The following NFATC1 variants were observed in gnomAD, a reference collection of about 807,000 sequenced individuals.
The protein encoded by NFATC1 is nuclear factor of activated T-cells, cytoplasmic 1.
Under a neutral mutation model 76.0 loss-of-function variants are expected in NFATC1, and 22 were observed. That is an observed-to-expected ratio of 0.29 (90% CI 0.21 to 0.41). The LOEUF (loss-of-function observed/expected upper bound fraction) is 0.41, where lower values mean the gene tolerates loss of function less well. NFATC1 is among the 10% of genes least tolerant of loss of function. The pLI, the probability that NFATC1 is intolerant of heterozygous loss-of-function variation, is 1.00. For synonymous variants in NFATC1, 704 were observed against 613.1 expected (o/e 1.15, Z -2.19); for missense variants, 1,357 against 1,337.7 (o/e 1.01, Z -0.23).
chr18:79,431,457 G>A (rs1284665024), intron 2 of NFATC1, among the ~76,000 whole-genome samples: 1 of 151,760 alleles, frequency 6.6e-6, no homozygotes, highest in Non-Finnish European at 1.5e-5. Context: ...TGGCTCAGGC[G>A]ATCCTCCCCG....
chr18:79,453,177 G>A (rs981429679), intron 6 of NFATC1, among the ~76,000 whole-genome samples: 2 of 152,246 alleles, frequency 1.3e-5, no homozygotes, highest in Admixed American at 6.5e-5. Context: ...CGCGTTGGCG[G>A]AGAAACACTT....
intron 9 of NFATC1, among the ~76,000 whole-genome samples, chr18:79,521,002 G>T (rs36201538): frequency 0.39 from 21,724 of 55,432 alleles, 3,241 homozygotes; most frequent in African/African-American, 0.42. Flanking sequence ...TGTGTGTGTG[G>T]GGGGGGGCAT....
chr18:79,498,140 A>G (rs2089937629), intron 9 of NFATC1: 3 of 152,090 alleles, frequency 2.0e-5, no homozygotes, highest in African/African-American at 4.8e-5. Context: ...CCAAAAAATT[A>G]TAGTACATGC....
chr18:79,432,689 T>A (rs1356691633), intron 2 of NFATC1, among the ~76,000 whole-genome samples: 1 of 152,160 alleles, frequency 6.6e-6, no homozygotes, highest in Non-Finnish European at 1.5e-5. Context: ...TGGATGGTGG[T>A]GCACCGGGGC....
intron 8 of NFATC1, chr18:79,468,587 CAG>C (rs771220389): frequency 6.6e-6 from 1 of 152,204 alleles, no homozygotes; most frequent in Non-Finnish European, 1.5e-5. Context: ...TTAGTAAAAT[CAG>C]GGTGTTTTGG....
chr18:79,449,506 GGCACGCTGGCCCTAACCTGT>G (rs1334013663), intron 4 of NFATC1, among the ~76,000 whole-genome samples: 1 of 152,248 alleles, frequency 6.6e-6, no homozygotes, highest in African/African-American at 2.4e-5. Context: ...GCTTGTGCTG[GGCACGCTGGCCCTAACCTGT>G]GAAGGCAGCC....
chr18:79,458,202 G>T (rs1600781531), intron 6 of NFATC1, among the ~76,000 whole-genome samples: 1 of 152,328 alleles, frequency 6.6e-6, no homozygotes, highest in Non-Finnish European at 1.5e-5. Flanking sequence ...TGGGAGCCAG[G>T]CTGGGACAGA....
chr18:79,471,795 C>T (rs1334079919), intron 8 of NFATC1, among the ~76,000 whole-genome samples: 1 of 152,254 alleles, frequency 6.6e-6, no homozygotes, highest in Non-Finnish European at 1.5e-5. Context: ...GGTGTCGGAA[C>T]AGATCTGCCT....
intron 9 of NFATC1, among the ~76,000 whole-genome samples, chr18:79,504,119 A>G (rs1253871068): frequency 6.6e-6 from 1 of 152,030 alleles, no homozygotes; most frequent in East Asian, 1.9e-4. Flanking sequence ...CCCTCTTATC[A>G]TCGGTGTTGT....
intron 3 of NFATC1, 198 bp from the exon 4 acceptor site, chr18:79,448,584 T>C (rs933667005): frequency 3.8e-5 from 23 of 607,566 alleles, no homozygotes; most frequent in Non-Finnish European, 6.1e-5. Context: ...TAAAACTCAG[T>C]GCCCAGGTCC....
At chr18:79,487,307 C>T (rs1478260529) in intron 9 of NFATC1, among the ~76,000 whole-genome samples, 2 of 152,206 alleles carry the variant, frequency 1.3e-5, no homozygotes, top group African/African-American at 4.8e-5. Flanking sequence ...GAGGGACCGG[C>T]CTCTGCAGTC....
intron 2 of NFATC1, among the ~76,000 whole-genome samples, chr18:79,427,094 C>T (rs1001017002): frequency 6.6e-6 from 1 of 152,190 alleles, no homozygotes; most frequent in Admixed American, 6.5e-5. Flanking sequence ...GAGCATGTCC[C>T]GGGTTCTTAG....
At chr18:79,423,529 C>T (rs79548165) in intron 2 of NFATC1, among the ~76,000 whole-genome samples, 15,615 of 152,260 alleles carry the variant, frequency 0.1, 1,072 homozygotes, top group Non-Finnish European at 0.15. Context: ...GTGGCCACAT[C>T]GGTCCTGGGA....
intron 9 of NFATC1, among the ~76,000 whole-genome samples, chr18:79,511,306 TC>T (rs2090246238): frequency 6.6e-6 from 1 of 152,026 alleles, no homozygotes. Context: ...CGACTCTGCC[TC>T]CCCCCTCCCC....
intron 5 of NFATC1, 69 bp from the exon 6 acceptor site, chr18:79,451,607 G>T: frequency 7.0e-7 from 1 of 1,419,482 alleles, no homozygotes; most frequent in African/African-American, 1.5e-5. Context: ...TGACCTGCTG[G>T]GTGCCACACG....
intron 6 of NFATC1, among the ~76,000 whole-genome samples, chr18:79,453,098 G>C (rs1047427198): frequency 6.6e-6 from 1 of 152,222 alleles, no homozygotes; most frequent in Non-Finnish European, 1.5e-5. Context: ...CATTTGCATT[G>C]CCCGTGCCTT....
rs1473132920 is a variant in NFATC1 at position 79,506,041 on chromosome 18, T to C, written c.2782+19104T>C. ...GTGCCCTTCTCAAGGGTGCATTACC[T>C]GTGTGAAACGTGCCTCCGTAGAATG... On this transcript the variant is annotated intron_variant, in intron 9 of 9. Transcript: ENST00000427363. Among the ~76,000 whole-genome samples the C allele has an allele frequency of 2.6e-5, 4 of 152,206 alleles. No homozygotes were observed. The East Asian group carries it at 7.7e-4, about 29-fold the overall frequency.
At position 79,396,267 on chromosome 18, in the gene NFATC1, G is replaced by A; in HGVS notation, c.43G>A (p.Gly15Ser). The A allele has an allele frequency of 6.7e-7, 1 of 1,482,632 alleles. No homozygotes were observed. The allele number at this position is 1,482,632 out of a possible 1,614,324, so 91.8% of individuals were successfully genotyped here. A position where few individuals can be genotyped will look rare whatever the true frequency, so the allele number is the denominator to read the frequency against. Reference sequence around the variant, plus strand: ...TCCAGTCCCTTCCAAGTTTCCACTTGGCCCTGCGGCTGCGGTCTTCGGGAG... The same window carrying A: ...TCCAGTCCCTTCCAAGTTTCCACTTAGCCCTGCGGCTGCGGTCTTCGGGAG... ...SFPVPSKFPLGPAAAVFGRGE... is the reference protein window; with the variant it reads ...SFPVPSKFPLSPAAAVFGRGE... Residue 15 changes from glycine to serine, a missense_variant, in exon 1 of 10, where the codon GGC becomes AGC. By Grantham distance (56) the Gly-to-Ser change is moderately conservative. This residue lies in a region of NFATC1 where 691 missense variants were observed against 613.1 expected (regional missense o/e 1.13). Transcript: ENST00000427363.
At chr18:79,475,190 G>A (rs1009200800) in intron 8 of NFATC1, among the ~76,000 whole-genome samples, 23 of 144,310 alleles carry the variant, frequency 1.6e-4, no homozygotes, top group African/African-American at 3.8e-4. Context: ...TGAGGGAAGC[G>A]TGTTCTCACG....
Sources: gnomAD v4.1 joint callset for allele counts (sites outside exome capture counted in the v4.1 genomes callset) on GRCh38, gnomAD v4.1.1 for gene constraint, gnomAD v4.1.1 regional missense constraint, MANE v1.5 for transcripts, NCBI Gene and HGNC (gene_info 2026-07-23, HGNC 2026-07-21) for gene names.